The following SLC49A4 variants were observed in gnomAD, a reference collection of about 807,000 sequenced individuals.
SLC49A4 encodes solute carrier family 49 member 4.
A neutral mutation model predicts 50.6 loss-of-function variants in SLC49A4; 36 were observed. The ratio of observed to expected loss-of-function variants is 0.71; its 90% confidence interval spans 0.55 to 0.94. The LOEUF is 0.94. Ranked by LOEUF, SLC49A4 falls within the 40% of genes least tolerant of loss-of-function variation. The pLI is 0.00. For missense variants in SLC49A4, 503 were observed against 605.7 expected (o/e 0.83, Z 1.78); for synonymous variants, 248 against 241.2 (o/e 1.03, Z -0.26).
chr3:122,838,736 A>G (rs1936728179), intron 4 of SLC49A4, among the ~76,000 whole-genome samples: 2 of 152,254 alleles, frequency 1.3e-5, no homozygotes, highest in East Asian at 3.9e-4. Context: ...AAGAAATCAT[A>G]GATGACACAA....
chr3:122,813,284 G>A (rs533243325), intron 2 of SLC49A4, among the ~76,000 whole-genome samples: 2 of 149,128 alleles, frequency 1.3e-5, no homozygotes, highest in East Asian at 3.9e-4. Context: ...TTAGAGTTTT[G>A]GAAAACTCTT....
At position 122,859,127 on chromosome 3, in the gene SLC49A4, G is replaced by C. The variant is rs570188735; in HGVS notation, c.1011-948G>C. Among the ~76,000 whole-genome samples, 68 of 152,298 alleles carry C rather than the reference G, an allele frequency of 4.5e-4. No individual in the cohort carries two copies. In the South Asian group the frequency reaches 0.014, roughly 32 times the overall value. Reference sequence around the variant, plus strand: ...AAAATAGAAAGTGGAGGTGGGATGGGGAAAGACTTCTTCACTGAGCCCAGA... The same window carrying C: ...AAAATAGAAAGTGGAGGTGGGATGGCGAAAGACTTCTTCACTGAGCCCAGA... On this transcript the variant is annotated intron_variant, in intron 6 of 8. Transcript: ENST00000261038.
chr3:122,879,581 T>A lies in SLC49A4; in HGVS notation c.*203T>A. 1 of 456,370 alleles carries A rather than the reference T, an allele frequency of 2.2e-6. No individual in the cohort carries two copies. The highest frequency in any genetic ancestry group is 3.5e-5 in the South Asian group (1 of 28,634). The allele number at this position is 456,370 out of a possible 1,614,324, so 28.3% of individuals were successfully genotyped here. A position where few individuals can be genotyped will look rare whatever the true frequency, so the allele number is the denominator to read the frequency against. ...AGACTTGAGTGATAATAGGGGATTT[T>A]AAAACTCTACAGATGGCATACCTGT... On this transcript the variant is annotated 3_prime_UTR_variant, in exon 9 of 9. Coordinates refer to ENST00000261038, the MANE Select transcript of SLC49A4 (RefSeq NM_032839.3).
At chr3:122,856,191 T>A (rs1214569808) in intron 5 of SLC49A4, 116 bp from the exon 6 acceptor site, 2 of 858,398 alleles carry the variant, frequency 2.3e-6, no homozygotes, top group Non-Finnish European at 3.7e-6. Context: ...ACACATGAAT[T>A]CTTTTATTTC....
chr3:122,825,214 C>T (rs1936509666), intron 2 of SLC49A4, among the ~76,000 whole-genome samples: 1 of 152,164 alleles, frequency 6.6e-6, no homozygotes, highest in Non-Finnish European at 1.5e-5. Context: ...CTTTATGGGT[C>T]ATCACACACT....
intron 2 of SLC49A4, among the ~76,000 whole-genome samples, chr3:122,821,124 C>T (rs1384210291): frequency 6.6e-6 from 1 of 152,242 alleles, no homozygotes; most frequent in East Asian, 1.9e-4. Context: ...CATGCCTTTA[C>T]TCCTCCTTCG....
In SLC49A4 at chr3:122,856,315, T is replaced by A; in HGVS notation, c.951T>A (p.Ala317=). The change falls in exon 6 of 9, where the codon GCT becomes GCA. Residue 317 remains alanine (A), a synonymous_variant. Coordinates refer to ENST00000261038, the MANE Select transcript of SLC49A4 (RefSeq NM_032839.3). ...LTPAHVSQVD[A]GWIGFWSIVG... ...TGCTTCTTTCTTAACAGGTAGATGCTGGCTGGATTGGATTTTGGTCCATAG... is the reference window on the plus strand; with the variant it reads ...TGCTTCTTTCTTAACAGGTAGATGCAGGCTGGATTGGATTTTGGTCCATAG... 6.2e-7 allele frequency: 1 copy of A among 1,614,074 alleles called. No homozygotes were observed. The highest frequency in any genetic ancestry group is 8.5e-7 in the Non-Finnish European group (1 of 1,179,958).
chr3:122,849,189 T>C (rs1936893104), intron 5 of SLC49A4, among the ~76,000 whole-genome samples: 1 of 152,264 alleles, frequency 6.6e-6, no homozygotes, highest in African/African-American at 2.4e-5. Context: ...ATCTGATATT[T>C]TCTTGATGCA....
intron 4 of SLC49A4, among the ~76,000 whole-genome samples, chr3:122,834,855 A>T (rs1036866258): frequency 6.6e-6 from 1 of 152,188 alleles, no homozygotes; most frequent in African/African-American, 2.4e-5. Context: ...TCAATTAAAA[A>T]TGAAAATGGA....
chr3:122,845,073 G>T (rs1936829480), intron 4 of SLC49A4, among the ~76,000 whole-genome samples: 1 of 152,022 alleles, frequency 6.6e-6, no homozygotes, highest in Non-Finnish European at 1.5e-5. Flanking sequence ...CAGATAATAA[G>T]CATAGTATCC....
intron 3 of SLC49A4, among the ~76,000 whole-genome samples, chr3:122,828,921 C>T (rs770580395): frequency 5.3e-5 from 8 of 152,178 alleles, no homozygotes; most frequent in Middle Eastern, 3.4e-3. Context: ...TATATTAATG[C>T]AGTACATGCA....
At chr3:122,810,545 T>A (rs1936283728) in intron 2 of SLC49A4, among the ~76,000 whole-genome samples, 1 of 152,214 alleles carries the variant, frequency 6.6e-6, no homozygotes, top group Admixed American at 6.5e-5. Flanking sequence ...TAATCATAGG[T>A]GTATCCAGTG....
chr3:122,799,319 C>T lies in SLC49A4; in HGVS notation c.343+3784C>T, dbSNP rs142383509. ...TTACATAAGGTTTTAGGGAAGGTGTCACTGATAAGGTGTATTTGAGCAGAC... is the reference window on the plus strand; with the variant it reads ...TTACATAAGGTTTTAGGGAAGGTGTTACTGATAAGGTGTATTTGAGCAGAC... On this transcript the variant is annotated intron_variant, in intron 1 of 8. Transcript: ENST00000261038. Among the ~76,000 whole-genome samples, 4 of 152,290 alleles carry T rather than the reference C, an allele frequency of 2.6e-5. No individual in the cohort carries two copies. The East Asian group carries it at 7.7e-4, about 29-fold the overall frequency.
Position 122,876,054 on chromosome 3 carries a change from C to CA in SLC49A4, c.1322-3200dup, listed in dbSNP as rs1042454035. Among the ~76,000 whole-genome samples the CA allele has an allele frequency of 2.0e-3, 303 of 151,022 alleles. 1 individual carries two copies. Among genetic ancestry groups the CA allele is most frequent in the African/African-American group, 6.9e-3 (285 of 41,262 alleles). On this transcript the variant is annotated intron_variant, in intron 8 of 8. Transcript: ENST00000261038. ...GACTTGGATTTTTCAAGGTCACTTT[C>CA]AAAAAAAAAGTTGTTACTTGCTCCC... is the stretch of plus-strand genomic sequence containing the variant.
At chr3:122,847,898 T>A (rs994093463) in intron 5 of SLC49A4, among the ~76,000 whole-genome samples, 8 of 152,346 alleles carry the variant, frequency 5.3e-5, no homozygotes, top group African/African-American at 1.9e-4. Flanking sequence ...AACTGTGTCA[T>A]CCTGTATAGT....
intron 3 of SLC49A4, among the ~76,000 whole-genome samples, chr3:122,832,374 A>G (rs746648680): frequency 5.9e-5 from 9 of 152,178 alleles, no homozygotes; most frequent in Middle Eastern, 3.2e-3. Flanking sequence ...CCCTTCTATA[A>G]TGGGGACAAA....
intron 6 of SLC49A4, 67 bp from the exon 7 acceptor site, chr3:122,860,008 A>C: frequency 7.8e-7 from 1 of 1,276,388 alleles, no homozygotes; most frequent in Non-Finnish European, 1.0e-6. Context: ...TGTTAGTGAA[A>C]GTGTGTCATT....
At chr3:122,832,257 C>G (rs546469153) in intron 3 of SLC49A4, among the ~76,000 whole-genome samples, 2 of 152,260 alleles carry the variant, frequency 1.3e-5, no homozygotes, top group South Asian at 4.1e-4. Context: ...AGTTTCCTGA[C>G]TTTTCTACTA....
chr3:122,805,548 G>A (rs1313959748), intron 1 of SLC49A4, among the ~76,000 whole-genome samples: 1 of 152,156 alleles, frequency 6.6e-6, no homozygotes, highest in Non-Finnish European at 1.5e-5. Flanking sequence ...GTCAGTTTAT[G>A]TCTATTCTCT....
Sources: gnomAD v4.1 joint callset for allele counts (sites outside exome capture counted in the v4.1 genomes callset) on GRCh38, gnomAD v4.1.1 for gene constraint, MANE v1.5 for transcripts, NCBI Gene and HGNC (gene_info 2026-07-23, HGNC 2026-07-21) for gene names.